The following ZNF845 variants were observed in gnomAD, a reference collection of about 807,000 sequenced individuals.
The protein encoded by ZNF845 is zinc finger protein 845.
Under a neutral mutation model 76.1 loss-of-function variants are expected in ZNF845, and 59 were observed. That is an observed-to-expected ratio of 0.78 (90% CI 0.63 to 0.96). ZNF845 has a LOEUF of 0.96. Ranked by LOEUF, ZNF845 falls within the 40% of genes least tolerant of loss-of-function variation. ZNF845 has a pLI of 0.00. For synonymous variants in ZNF845, 361 were observed against 386.9 expected (o/e 0.93, Z 0.78); for missense variants, 1,045 against 1,172.8 (o/e 0.89, Z 1.59).
intron 3 of ZNF845, among the ~76,000 whole-genome samples, chr19:53,348,291 G>C (rs1661729756): frequency 1.3e-5 from 2 of 152,102 alleles, no homozygotes; most frequent in South Asian, 4.1e-4. Context: ...AAAGGTAGTA[G>C]CTTAAACTGG....
intron 3 of ZNF845, among the ~76,000 whole-genome samples, chr19:53,350,154 T>C (rs1305607187): frequency 3.0e-5 from 2 of 66,002 alleles, no homozygotes; most frequent in African/African-American, 1.1e-4. Flanking sequence ...TAATTTTTTT[T>C]TCGAGATGGA....
rs1490899825 is a variant in ZNF845 at position 53,356,135 on chromosome 19, T to A, written c.*2547T>A. The stretch of plus-strand genomic sequence containing the variant: ...AAAATAAACCAGTATAAACTTGTTA[T>A]AACGTCTGAACAGGCTCTAGTTTGA... On this transcript the variant is annotated 3_prime_UTR_variant, in exon 4 of 4. Coordinates refer to ENST00000458035, the MANE Select transcript of ZNF845 (RefSeq NM_138374.3). 1 of 152,242 alleles carries A rather than the reference T, an allele frequency of 6.6e-6. No homozygotes were observed. Among genetic ancestry groups the A allele is most frequent in the East Asian group, 1.9e-4 (1 of 5,194 alleles). The allele number at this position is 152,242 out of a possible 1,614,324, so 9.4% of individuals were successfully genotyped here.
Position 53,352,870 on chromosome 19 carries a change from CA to C in ZNF845, c.2196del (p.Ser733ProfsTer87). 6.2e-7 allele frequency: 1 copy of C among 1,614,006 alleles called. No homozygotes were observed. The highest frequency in any genetic ancestry group is 8.5e-7 in the Non-Finnish European group (1 of 1,179,994). Reference protein sequence around the residue: ...NECGKAFSQKSSLTCHLRLHT... With the variant: ...NECGKAFSQKXSLTCHLRLHT... ...TGTGGCAAGGCCTTCAGTCAGAAGT[CA>C]TCCCTTACATGCCATCTTAGACTTC... is the stretch of plus-strand genomic sequence containing the variant. On this transcript the variant is annotated frameshift_variant, in exon 4 of 4. Transcript: ENST00000458035. LOFTEE classifies it high-confidence loss of function.
chr19:53,353,875 T>A lies in ZNF845; in HGVS notation c.*287T>A. 1 of 1,163,536 alleles carries A rather than the reference T, an allele frequency of 8.6e-7. No individual in the cohort carries two copies. Among genetic ancestry groups the A allele is most frequent in the Non-Finnish European group, 1.2e-6 (1 of 828,582 alleles). 72.1% of individuals were successfully genotyped at this position (1,163,536 alleles called of 1,614,324 possible). A position where few individuals can be genotyped will look rare whatever the true frequency, so the allele number is the denominator to read the frequency against. ...ATTATCACAAAGTCTTCAGTAACAC[T>A]ACAACCGTTTCAAATCATTGGAGAA... On this transcript the variant is annotated 3_prime_UTR_variant, in exon 4 of 4. Transcript: ENST00000458035.
chr19:53,352,527 C>A lies in ZNF845; in HGVS notation c.1852C>A (p.His618Asn). The A allele has an allele frequency of 6.2e-7, 1 of 1,606,956 alleles. No individual in the cohort carries two copies. Among genetic ancestry groups the A allele is most frequent in the East Asian group, 2.2e-5 (1 of 44,508 alleles). ...TAATAGATGTGGCAAATTTTTCAGA[C>A]ATCGTTCATACCTTGCAGTTCATTG... ...KCNRCGKFFR[H>N]RSYLAVHWRT... Residue 618 changes from histidine (H) to asparagine (N), a missense_variant, in exon 4 of 4, where the codon CAT becomes AAT. His to Asn is a moderately conservative substitution (Grantham distance 68). Coordinates refer to ENST00000458035, the MANE Select transcript of ZNF845 (RefSeq NM_138374.3).
rs1419602720 is a variant in ZNF845, at chr19:53,356,110, A to G, written c.*2522A>G. 1 of 152,236 alleles carries G rather than the reference A, an allele frequency of 6.6e-6. No homozygotes were observed. The highest frequency in any genetic ancestry group is 1.5e-5 in the Non-Finnish European group (1 of 68,032). The allele number at this position is 152,236 out of a possible 1,614,324, so 9.4% of individuals were successfully genotyped here. On this transcript the variant is annotated 3_prime_UTR_variant, in exon 4 of 4. Coordinates refer to ENST00000458035, the MANE Select transcript of ZNF845 (RefSeq NM_138374.3). ...GCATAAATTTCACACTTTTTGTACC[A>G]AAATAAACCAGTATAAACTTGTTAT...
chr19:53,347,480 CGT>C (rs2085305202), intron 3 of ZNF845, among the ~76,000 whole-genome samples: 2 of 151,194 alleles, frequency 1.3e-5, no homozygotes, highest in Admixed American at 6.6e-5. Context: ...GGGGTTTCAC[CGT>C]GTTAGCCAGA....
intron 2 of ZNF845, among the ~76,000 whole-genome samples, chr19:53,342,571 T>G (rs905894361): frequency 6.6e-6 from 1 of 152,264 alleles, no homozygotes; most frequent in East Asian, 1.9e-4. Flanking sequence ...CCAGCCTCAT[T>G]GTGGAGCCGC....
rs1033261484 is a variant in ZNF845, at chr19:53,353,566, T to G, written c.2891T>G (p.Ile964Ser). The change falls in exon 4 of 4, where the codon ATT (isoleucine) becomes AGT (serine). Residue 964 changes from isoleucine to serine, a missense_variant. Physicochemically the swap from Ile to Ser is moderately radical, Grantham distance 142. Coordinates refer to ENST00000458035, the MANE Select transcript of ZNF845 (RefSeq NM_138374.3). ...GCAAAACTTGCACGTCATCATAGAA[T>G]TCATACTGGAAAGAAACATTAGAAA... The part of the protein sequence containing the change: ...RKAKLARHHR[I>S]HTGKKH The G allele has an allele frequency of 2.5e-6, 4 of 1,600,996 alleles. No homozygotes were observed. The highest frequency in any genetic ancestry group is 3.5e-5 in the Admixed American group (2 of 57,962).
chr19:53,353,202 A>T lies in ZNF845; in HGVS notation c.2527A>T (p.Asn843Tyr). 6.2e-7 allele frequency: 1 copy of T among 1,614,012 alleles called. No homozygotes were observed. The highest frequency in any genetic ancestry group is 1.1e-5 in the South Asian group (1 of 91,072). Reference sequence around the variant, plus strand: ...TGAGTGTGGCAAGACCTTCCGTCACAATTCAGCCCTTGAAATTCATAAGGC... The same window carrying T: ...TGAGTGTGGCAAGACCTTCCGTCACTATTCAGCCCTTGAAATTCATAAGGC... The part of the protein sequence containing the change: ...CNECGKTFRH[N>Y]SALEIHKAIH... Residue 843 changes from asparagine to tyrosine, a missense_variant, in exon 4 of 4, where the codon AAT becomes TAT. Asn to Tyr is a moderately radical substitution (Grantham distance 143). Transcript: ENST00000458035.
chr19:53,338,298 C>T (rs2147030625), intron 1 of ZNF845, among the ~76,000 whole-genome samples: 1 of 152,304 alleles, frequency 6.6e-6, no homozygotes, highest in African/African-American at 2.4e-5. Flanking sequence ...GACCCTGTGT[C>T]CTCAGGCAGT....
In ZNF845 at chr19:53,352,389, A is replaced by T. The variant is rs1568742680; in HGVS notation, c.1714A>T (p.Ile572Phe). ...GTCAGCACTTATTTACCATCAAGCA[A>T]TCCATGGTATAGGGAAACTTTACAA... ...GQSALIYHQA[I>F]HGIGKLYKCN... Residue 572 changes from isoleucine (I) to phenylalanine (F), a missense_variant, in exon 4 of 4, where the codon ATC becomes TTC. By Grantham distance (21) the Ile-to-Phe change is conservative. Coordinates refer to ENST00000458035, the MANE Select transcript of ZNF845 (RefSeq NM_138374.3). The T allele has an allele frequency of 2.5e-6, 4 of 1,613,724 alleles. No individual in the cohort carries two copies. The highest frequency in any genetic ancestry group is 1.7e-4 in the Middle Eastern group (1 of 6,054).
At position 53,353,320 on chromosome 19, in the gene ZNF845, C is replaced by T. The variant is rs2085358490; in HGVS notation, c.2645C>T (p.Thr882Ile). The T allele has an allele frequency of 6.2e-7, 1 of 1,613,612 alleles. No individual in the cohort carries two copies. The highest frequency in any genetic ancestry group is 1.7e-5 in the Admixed American group (1 of 59,972). The stretch of plus-strand genomic sequence containing the variant: ...CTTTCACGTCATCATAGACTTCATA[C>T]TGGAGAGAAACCTTACAAGTGTAAT... The part of the protein sequence containing the change: ...ANLSRHHRLH[T>I]GEKPYKCNKC... The change falls in exon 4 of 4, where the codon ACT (threonine) becomes ATT (isoleucine). Residue 882 changes from threonine (T) to isoleucine (I), a missense_variant. Thr to Ile is a moderately conservative substitution (Grantham distance 89). Coordinates refer to ENST00000458035, the MANE Select transcript of ZNF845 (RefSeq NM_138374.3).
chr19:53,353,630 T>C lies in ZNF845; in HGVS notation c.*42T>C. The C allele has an allele frequency of 6.5e-7, 1 of 1,532,096 alleles. No individual in the cohort carries two copies. Among genetic ancestry groups the C allele is most frequent in the Non-Finnish European group, 8.8e-7 (1 of 1,140,920 alleles). The allele number at this position is 1,532,096 out of a possible 1,614,324, so 94.9% of individuals were successfully genotyped here. On this transcript the variant is annotated 3_prime_UTR_variant, in exon 4 of 4. Transcript: ENST00000458035. The stretch of plus-strand genomic sequence containing the variant: ...ACAAAGTTTACAGTTGTAAATCAAG[T>C]CTTGAAAGACAGGAGAATTCATACT...
chr19:53,344,637 T>C (rs192645464), intron 2 of ZNF845, among the ~76,000 whole-genome samples: 20 of 150,856 alleles, frequency 1.3e-4, no homozygotes, highest in African/African-American at 4.9e-4. Flanking sequence ...TATTTTATTT[T>C]ATTTTATTTT....
chr19:53,351,342 G>A lies in ZNF845; in HGVS notation c.667G>A (p.Ala223Thr). Reference sequence around the variant, plus strand: ...TTTCCAATGTAATGAGAGTGGCAAAGCCTTTAATTATAGCTCAGTCTTAAG... The same window carrying A: ...TTTCCAATGTAATGAGAGTGGCAAAACCTTTAATTATAGCTCAGTCTTAAG... ...KSFQCNESGK[A>T]FNYSSVLRKH... The change falls in exon 4 of 4, where the codon GCC becomes ACC. Residue 223 changes from alanine (A) to threonine (T), a missense_variant. Transcript: ENST00000458035. 2 of 1,614,230 alleles carry A rather than the reference G, an allele frequency of 1.2e-6. No individual in the cohort carries two copies. The highest frequency in any genetic ancestry group is 1.7e-6 in the Non-Finnish European group (2 of 1,180,044).
At chr19:53,338,247 A>G (rs115430019) in intron 1 of ZNF845, among the ~76,000 whole-genome samples, 7,335 of 152,206 alleles carry the variant, frequency 0.048, 635 homozygotes, top group African/African-American at 0.17. Flanking sequence ...GTCAAAATAA[A>G]AGGAGAAGGC....
rs59952944 is a variant in ZNF845 at position 53,344,615 on chromosome 19, T to TTATGTTATGTTATGTTATGTTATG, written c.16-890_16-889insATGTTATGTTATGTTATGTTATGT. ...TTTTATTTTATTTTATTTATTTTAT[T>TTATGTTATGTTATGTTATGTTATG]TTATTTTATTTTATTTTATTTTATT... is the stretch of plus-strand genomic sequence containing the variant. On this transcript the variant is annotated intron_variant, in intron 2 of 3. Coordinates refer to ENST00000458035, the MANE Select transcript of ZNF845 (RefSeq NM_138374.3). Among the ~76,000 whole-genome samples, 1,309 of 132,272 alleles carry TTATGTTATGTTATGTTATGTTATG rather than the reference T, an allele frequency of 9.9e-3. 58 individuals are homozygous for TTATGTTATGTTATGTTATGTTATG. The highest frequency in any genetic ancestry group is 0.024 in the Admixed American group (312 of 13,152). 86.8% of individuals were successfully genotyped at this position (132,272 alleles called of 152,430 possible).
At chr19:53,336,834 TAGTTGCGTCC>T (rs2085218729) in intron 1 of ZNF845, among the ~76,000 whole-genome samples, 1 of 152,228 alleles carries the variant, frequency 6.6e-6, no homozygotes, top group Non-Finnish European at 1.5e-5. Context: ...TGTTTGAAAT[TAGTTGCGTCC>T]AGTTCAGATC....
Sources: allele counts gnomAD v4.1 joint callset (sites outside exome capture counted in the v4.1 genomes callset), GRCh38; gene constraint gnomAD v4.1.1; transcripts MANE v1.5; gene names NCBI Gene and HGNC (gene_info 2026-07-23, HGNC 2026-07-21).